NUP210: variants seen among roughly 807,000 people sequenced by gnomAD.
The protein encoded by NUP210 is nucleoporin 210.
Under a neutral mutation model 196.0 loss-of-function variants are expected in NUP210, and 151 were observed. That is an observed-to-expected ratio of 0.77 (90% confidence interval 0.67 to 0.88). The LOEUF (loss-of-function observed/expected upper bound fraction) is 0.88. NUP210 is among the 40% of genes least tolerant of loss of function. The probability of loss-of-function intolerance (pLI) is 0.00; values close to 1 mark genes in which losing one functional copy is unlikely to be tolerated. For missense variants in NUP210, 2,314 were observed against 2,493.7 expected (o/e 0.93, Z 1.53); for synonymous variants, 1,070 against 1,052.7 (o/e 1.02, Z -0.32).
intron 18 of NUP210, among the ~76,000 whole-genome samples, chr3:13,352,760 G>A (rs1036132007): frequency 6.6e-6 from 1 of 152,106 alleles, no homozygotes; most frequent in Admixed American, 6.5e-5. Flanking sequence ...GCAACTGCCG[G>A]CAGGGAGAGG....
At chr3:13,320,012 T>C in intron 36 of NUP210, 33 bp from the exon 37 acceptor site, 1 of 1,596,640 alleles carries the variant, frequency 6.3e-7, no homozygotes, top group Non-Finnish European at 8.6e-7. Context: ...GGGTGCACAT[T>C]CTGCAGAGTG....
chr3:13,341,579 C>T (rs1697495710), intron 23 of NUP210, among the ~76,000 whole-genome samples, 169 bp downstream of exon 23: 1 of 152,214 alleles, frequency 6.6e-6, no homozygotes, highest in Non-Finnish European at 1.5e-5. Context: ...AACTTTGCTG[C>T]CTCCCAGATC....
At chr3:13,399,910 C>T (rs151302817) in intron 1 of NUP210, 49 bp from the exon 2 acceptor site, 37 of 1,553,996 alleles carry the variant, frequency 2.4e-5, no homozygotes, top group Middle Eastern at 4.3e-4. Context: ...CACTGCAAGG[C>T]ACAGTGGGGT....
At chr3:13,415,023 G>A (rs1191216779) in intron 1 of NUP210, among the ~76,000 whole-genome samples, 1 of 152,138 alleles carries the variant, frequency 6.6e-6, no homozygotes. Context: ...AGATCACAAG[G>A]TCAAGAGATC....
rs116719664 is a variant in NUP210, at chr3:13,329,869, C to T, written c.4110+591G>A. The stretch of plus-strand genomic sequence containing the variant: ...AGTGCCATGATATGGCAGAAGGACA[C>T]GGCCCAAACCAGACAGACCCCATCA... On this transcript the variant is annotated intron_variant, in intron 30 of 39. Coordinates refer to ENST00000254508, the MANE Select transcript of NUP210 (RefSeq NM_024923.4). 6.0e-3 allele frequency among the ~76,000 whole-genome samples: 921 copies of T among 152,332 alleles called. 4 individuals are homozygous for T. The highest frequency in any genetic ancestry group is 0.011 in the Non-Finnish European group (716 of 68,026).
In NUP210 at chr3:13,381,178, T is replaced by C. The variant is rs149785332; in HGVS notation, c.818-1457A>G. On this transcript the variant is annotated intron_variant, in intron 6 of 39. Coordinates refer to ENST00000254508, the MANE Select transcript of NUP210 (RefSeq NM_024923.4). The stretch of plus-strand genomic sequence containing the variant: ...ATCAAAGATAAATGTCAGAATAAAA[T>C]AACATAGTTGCTCAATGAAGCAACA... Among the ~76,000 whole-genome samples, 519 of 152,342 alleles carry C rather than the reference T, an allele frequency of 3.4e-3. 5 individuals carry two copies. The highest frequency in any genetic ancestry group is 0.012 in the African/African-American group (501 of 41,574).
At chr3:13,339,679 G>C (rs1697379112) in intron 25 of NUP210, among the ~76,000 whole-genome samples, 175 bp downstream of exon 25, 1 of 152,224 alleles carries the variant, frequency 6.6e-6, no homozygotes, top group Non-Finnish European at 1.5e-5. Context: ...TGGGGGTCTG[G>C]GTGCTCCCAT....
intron 32 of NUP210, among the ~76,000 whole-genome samples, chr3:13,326,898 G>C (rs1348814181): frequency 6.6e-6 from 1 of 152,262 alleles, no homozygotes; most frequent in Non-Finnish European, 1.5e-5. Context: ...TTCTGTGAAG[G>C]TCGGACATAA....
chr3:13,364,006 T>C (rs1698451602), intron 14 of NUP210, among the ~76,000 whole-genome samples: 1 of 152,138 alleles, frequency 6.6e-6, no homozygotes, highest in Non-Finnish European at 1.5e-5. Flanking sequence ...GGATTTCAAC[T>C]CTCTCCACTC....
At chr3:13,363,682 C>T (rs1698440220) in intron 14 of NUP210, among the ~76,000 whole-genome samples, 3 of 152,148 alleles carry the variant, frequency 2.0e-5, no homozygotes, top group Non-Finnish European at 4.4e-5. Flanking sequence ...GGCTTTTGTT[C>T]CTTGTAAATA....
chr3:13,352,608 T>C (rs1698018496), intron 18 of NUP210, among the ~76,000 whole-genome samples: 1 of 152,086 alleles, frequency 6.6e-6, no homozygotes, highest in African/African-American at 2.4e-5. Context: ...ACAGCCCTCA[T>C]CCCCTAGGGT....
At chr3:13,398,477 G>T (rs1699736392) in intron 2 of NUP210, among the ~76,000 whole-genome samples, 1 of 152,020 alleles carries the variant, frequency 6.6e-6, no homozygotes, top group Admixed American at 6.6e-5. Flanking sequence ...CAGAAAAACT[G>T]GGAATTTATC....
At chr3:13,371,739 G>T in intron 13 of NUP210, 95 bp downstream of exon 13, 1 of 1,149,610 alleles carries the variant, frequency 8.7e-7, no homozygotes, top group Non-Finnish European at 1.3e-6. Context: ...GCTGCCTCAA[G>T]CCCTCTCTTT....
intron 29 of NUP210, 72 bp from the exon 30 acceptor site, chr3:13,330,706 G>T (rs534212141): frequency 2.1e-6 from 3 of 1,408,260 alleles, no homozygotes; most frequent in African/African-American, 1.4e-5. Context: ...AATGCCAGGA[G>T]ATCTAAGAGT....
intron 1 of NUP210, among the ~76,000 whole-genome samples, chr3:13,412,729 A>G (rs1045803027): frequency 6.6e-6 from 1 of 151,102 alleles, no homozygotes; most frequent in African/African-American, 2.4e-5. Context: ...AAAAAAAAAA[A>G]GGGAGGCTGA....
intron 1 of NUP210, among the ~76,000 whole-genome samples, chr3:13,419,163 C>G (rs1472043866): frequency 6.6e-6 from 1 of 150,556 alleles, no homozygotes; most frequent in African/African-American, 2.5e-5. Flanking sequence ...AGTCTTGAAA[C>G]AGAAATAAAG....
chr3:13,337,959 T>G (rs1419787069), intron 25 of NUP210, 42 bp from the exon 26 acceptor site: 3 of 1,572,394 alleles, frequency 1.9e-6, no homozygotes, highest in Non-Finnish European at 2.6e-6. Flanking sequence ...GATGCAGTGC[T>G]GGCCAGGGAT....
At chr3:13,394,398 C>G (rs1156495538) in intron 3 of NUP210, among the ~76,000 whole-genome samples, 3 of 152,270 alleles carry the variant, frequency 2.0e-5, no homozygotes, top group African/African-American at 4.8e-5. Context: ...GTGCAACAGA[C>G]AGAGCCCTGT....
intron 8 of NUP210, among the ~76,000 whole-genome samples, 162 bp downstream of exon 8, chr3:13,378,748 CAG>C (rs1169544730): frequency 1.3e-5 from 2 of 152,228 alleles, no homozygotes; most frequent in East Asian, 3.9e-4. Context: ...CTACACCAAA[CAG>C]GGAAGGGCTG....
Sources: gnomAD v4.1 joint callset for allele counts (sites outside exome capture counted in the v4.1 genomes callset) on GRCh38, gnomAD v4.1.1 for gene constraint, MANE v1.5 for transcripts, NCBI Gene and HGNC (gene_info 2026-07-23, HGNC 2026-07-21) for gene names.